Variants in VIRMA observed in about 807,000 individuals in gnomAD.
VIRMA encodes protein virilizer homolog.
VIRMA carries 65 observed loss-of-function variants against 182.4 expected under a neutral mutation model. The observed-to-expected ratio is 0.36, with a 90% confidence interval of 0.29 to 0.44. VIRMA has a LOEUF of 0.44. Ranked by LOEUF, VIRMA falls within the 20% of genes least tolerant of loss-of-function variation. The probability of loss-of-function intolerance (pLI) is 1.00; values close to 1 mark genes in which losing one functional copy is unlikely to be tolerated. For synonymous variants in VIRMA, 709 were observed against 743.1 expected, an observed-to-expected ratio of 0.95 and a Z score of 0.75; for missense variants, 1,752 against 2,158.1, an observed-to-expected ratio of 0.81 and a Z score of 3.73.
intron 8 of VIRMA, 141 bp downstream of exon 8, chr8:94,526,082 T>C (rs1814951339): frequency 1.5e-6 from 1 of 659,680 alleles, no homozygotes; most frequent in Non-Finnish European, 2.6e-6. Context: ...TCAGTTCCAC[T>C]ACTAAATAAC....
chr8:94,551,483 C>T (rs951421322), intron 1 of VIRMA, among the ~76,000 whole-genome samples: 2 of 152,158 alleles, frequency 1.3e-5, no homozygotes, highest in African/African-American at 2.4e-5. Flanking sequence ...TTCAATATTT[C>T]GTATCACCCA....
intron 12 of VIRMA, 125 bp from the exon 13 acceptor site, chr8:94,511,854 G>T: frequency 1.5e-6 from 1 of 679,812 alleles, no homozygotes; most frequent in Admixed American, 4.3e-5. Context: ...TTTTTATTAT[G>T]ACAAATATTT....
intron 10 of VIRMA, 63 bp downstream of exon 10, chr8:94,517,725 A>G (rs1300932271): frequency 2.6e-6 from 3 of 1,166,558 alleles, no homozygotes; most frequent in Non-Finnish European, 3.7e-6. Context: ...GACTAATTAC[A>G]GATATTCAAA....
intron 19 of VIRMA, 145 bp downstream of exon 19, chr8:94,495,586 A>G (rs1813744356): frequency 4.1e-6 from 2 of 490,900 alleles, no homozygotes; most frequent in Non-Finnish European, 6.9e-6. Flanking sequence ...CTAAAGAAGA[A>G]TACACAACAG....
chr8:94,523,484 A>C (rs1209065163), intron 8 of VIRMA, among the ~76,000 whole-genome samples: 1 of 152,110 alleles, frequency 6.6e-6, no homozygotes, highest in Non-Finnish European at 1.5e-5. Context: ...ATCACAGCTC[A>C]CTGCACCCTT....
chr8:94,505,548 G>A (rs1412553996), intron 16 of VIRMA, among the ~76,000 whole-genome samples: 2 of 110,866 alleles, frequency 1.8e-5, no homozygotes, highest in Non-Finnish European at 4.4e-5. Flanking sequence ...TCACTGCAGC[G>A]GCATGATCAC....
chr8:94,534,642 C>G (rs1482417330), intron 5 of VIRMA, among the ~76,000 whole-genome samples, 197 bp downstream of exon 5: 1 of 151,310 alleles, frequency 6.6e-6, no homozygotes, highest in African/African-American at 2.4e-5. Context: ...CCTATCTCCC[C>G]CTCTTCCTCC....
intron 15 of VIRMA, among the ~76,000 whole-genome samples, chr8:94,509,392 A>G (rs1395154089): frequency 6.7e-6 from 1 of 149,332 alleles, no homozygotes; most frequent in African/African-American, 2.5e-5. Context: ...ACAGAATGAG[A>G]CCCCATCTCA....
chr8:94,533,859 T>C (rs1815250049), intron 5 of VIRMA: 1 of 152,116 alleles, frequency 6.6e-6, no homozygotes, highest in Non-Finnish European at 1.5e-5. Flanking sequence ...CAGATGCATA[T>C]CACTGCAGCT....
chr8:94,517,749 A>T, intron 10 of VIRMA, 39 bp downstream of exon 10: 1 of 1,447,954 alleles, frequency 6.9e-7, no homozygotes, highest in Non-Finnish European at 9.5e-7. Context: ...TTGTTCCTTC[A>T]CATATTACAA....
intron 16 of VIRMA, among the ~76,000 whole-genome samples, chr8:94,500,881 C>G (rs1443154818): frequency 6.6e-6 from 1 of 152,016 alleles, no homozygotes; most frequent in African/African-American, 2.4e-5. Flanking sequence ...CTACATGACT[C>G]TAAGCATCTG....
chr8:94,530,125 A>G (rs78337411), intron 6 of VIRMA, among the ~76,000 whole-genome samples: 117 of 152,134 alleles, frequency 7.7e-4, no homozygotes, highest in Non-Finnish European at 5.9e-4. Flanking sequence ...TCTTTTGTAC[A>G]TATCACTACA....
rs1293563356 is a variant in VIRMA, at chr8:94,516,750, T to C, written c.2668+1038A>G. ...TTGAAGACACTGTGTGCCCTCCTTT[T>C]ATAAACGCATTCTTCAGGAAAAAAA... On this transcript the variant is annotated intron_variant, in intron 10 of 23. Transcript: ENST00000297591. Among the ~76,000 whole-genome samples the C allele has an allele frequency of 2.0e-5, 3 of 152,234 alleles. No homozygotes were observed. The East Asian group carries it at 5.8e-4, about 29-fold the overall frequency.
At chr8:94,544,026 A>C in intron 1 of VIRMA, 84 bp from the exon 2 acceptor site, 1 of 698,708 alleles carries the variant, frequency 1.4e-6, no homozygotes, top group Admixed American at 2.3e-5. Context: ...TTCATTCACA[A>C]TGTCACATGT....
In VIRMA at chr8:94,488,581, T is replaced by G; in HGVS notation, c.*125A>C. 1 of 867,532 alleles carries G rather than the reference T, an allele frequency of 1.2e-6. No homozygotes were observed. The highest frequency in any genetic ancestry group is 1.7e-6 in the Non-Finnish European group (1 of 595,850). The allele number at this position is 867,532 out of a possible 1,614,324, so 53.7% of individuals were successfully genotyped here. A position where few individuals can be genotyped will look rare whatever the true frequency, so the allele number is the denominator to read the frequency against. On this transcript the variant is annotated 3_prime_UTR_variant, in exon 24 of 24. Coordinates refer to ENST00000297591, the MANE Select transcript of VIRMA (RefSeq NM_015496.5). ...AGGTATCAAACAAATTCTGCTTTCT[T>G]CAGATAAAAATATTCTCTCAGATGT...
chr8:94,509,860 T>C lies in VIRMA; in HGVS notation c.3707A>G (p.Lys1236Arg). 1 of 1,613,970 alleles carries C rather than the reference T, an allele frequency of 6.2e-7. No individual in the cohort carries two copies. Among genetic ancestry groups the C allele is most frequent in the East Asian group, 2.2e-5 (1 of 44,858 alleles). Residue 1236 changes from lysine to arginine, a missense_variant, in exon 15 of 24, where the codon AAA becomes AGA. Transcript: ENST00000297591. ...ATGCAAAATAGCTAATTTACAAGCTTTGTGTGAAGCCAGAGCATCAAGAAG... is the reference window on the plus strand; with the variant it reads ...ATGCAAAATAGCTAATTTACAAGCTCTGTGTGAAGCCAGAGCATCAAGAAG... ...LALLDALASH[K>R]ACKLAILHLI...
intron 5 of VIRMA, among the ~76,000 whole-genome samples, chr8:94,532,063 T>C (rs1369793262): frequency 1.3e-5 from 2 of 152,164 alleles, no homozygotes; most frequent in East Asian, 3.9e-4. Context: ...ATAGGGAATC[T>C]TGGGGCAATG....
At chr8:94,495,592 A>C (rs1813744711) in intron 19 of VIRMA, 139 bp downstream of exon 19, 1 of 542,340 alleles carries the variant, frequency 1.8e-6, no homozygotes, top group Non-Finnish European at 3.1e-6. Context: ...AAGAATACAC[A>C]ACAGAGGCTG....
intron 16 of VIRMA, among the ~76,000 whole-genome samples, chr8:94,505,245 C>T (rs569452980): frequency 2.0e-5 from 3 of 152,112 alleles, no homozygotes; most frequent in Admixed American, 2.0e-4. Flanking sequence ...AAACACAGTA[C>T]CTGCAATGTA....
Sources: allele counts gnomAD v4.1 joint callset (sites outside exome capture counted in the v4.1 genomes callset), GRCh38; gene constraint gnomAD v4.1.1; transcripts MANE v1.5; gene names NCBI Gene and HGNC (gene_info 2026-07-23, HGNC 2026-07-21).